ASPH: variants seen among roughly 807,000 people sequenced by gnomAD.
ASPH encodes the protein aspartyl/asparaginyl beta-hydroxylase.
In ASPH, 100 loss-of-function variants were observed where a neutral mutation model predicts 118.4. That is an observed-to-expected ratio of 0.84 (90% CI 0.72 to 1.00). ASPH has a LOEUF of 1.00. Among genes scored for constraint, ASPH ranks in the 50% least tolerant of loss-of-function variants. The probability of loss-of-function intolerance (pLI) is 0.00; values close to 1 mark genes in which losing one functional copy is unlikely to be tolerated. For missense variants in ASPH, 920 were observed against 919.5 expected, an observed-to-expected ratio of 1.00 and a Z score of -0.01; for synonymous variants, 315 against 325.6, an observed-to-expected ratio of 0.97 and a Z score of 0.35.
In ASPH at chr8:61,633,687, T is replaced by C; in HGVS notation, c.930A>G (p.Pro310=). The change falls in exon 13 of 25, where the codon CCA becomes CCG. Residue 310 remains proline, a synonymous_variant. Transcript: ENST00000379454. The stretch of plus-strand genomic sequence containing the variant: ...ACAACATACAAAATGTCATACCTGG[T>C]GGTACTTCCTGCTGTTCTTCCACAG... ...IFPVEEQQEV[P]PETNRKTDDP... is the part of the protein sequence containing the mutation. 1 of 1,598,980 alleles carries C rather than the reference T, an allele frequency of 6.3e-7. No individual in the cohort carries two copies. The highest frequency in any genetic ancestry group is 8.5e-7 in the Non-Finnish European group (1 of 1,172,750).
intron 17 of ASPH, among the ~76,000 whole-genome samples, chr8:61,566,084 G>A (rs1220862415): frequency 1.3e-5 from 2 of 152,196 alleles, no homozygotes; most frequent in African/African-American, 4.8e-5. Context: ...GGTGAATGGT[G>A]TTCTCATGCC....
At chr8:61,556,188 T>A (rs1348562092) in intron 18 of ASPH, among the ~76,000 whole-genome samples, 166 bp from the exon 19 acceptor site, 4 of 152,228 alleles carry the variant, frequency 2.6e-5, no homozygotes, top group African/African-American at 9.6e-5. Flanking sequence ...CATGGCAATA[T>A]CATTAAGCTT....
intron 17 of ASPH, among the ~76,000 whole-genome samples, chr8:61,563,745 C>T (rs1830739493): frequency 6.6e-6 from 1 of 152,212 alleles, no homozygotes; most frequent in Admixed American, 6.5e-5. Flanking sequence ...ATCTGGGCTT[C>T]CTTTTCTATA....
At chr8:61,533,306 C>G (rs536466235) in intron 21 of ASPH, among the ~76,000 whole-genome samples, 11 of 152,172 alleles carry the variant, frequency 7.2e-5, no homozygotes, top group African/African-American at 2.4e-4. Context: ...TTCTGAGAGC[C>G]CTTTCTGGGT....
intron 14 of ASPH, among the ~76,000 whole-genome samples, chr8:61,605,904 C>T (rs1845438450): frequency 2.0e-5 from 3 of 152,160 alleles, no homozygotes; most frequent in Admixed American, 2.0e-4. Context: ...CAAGTCTCTT[C>T]ACTTGTATTT....
rs1830258163 is a variant in ASPH, at chr8:61,562,382, A to AATGTGTCTCTGT, written c.1437+361_1437+362insACAGAGACACAT. On this transcript the variant is annotated intron_variant, in intron 18 of 24. Transcript: ENST00000379454. ...CCAAAAAAAAAAAAAAAAAAAGGAA[A>AATGTGTCTCTGT]GTGTGTCTGTGTGTGTGTGTGTGTG... Among the ~76,000 whole-genome samples the AATGTGTCTCTGT allele has an allele frequency of 9.6e-5, 3 of 31,136 alleles. No individual in the cohort carries two copies. The East Asian group carries it at 1.8e-3, about 19-fold the overall frequency. 20.4% of individuals were successfully genotyped at this position (31,136 alleles called of 152,430 possible). A position where few individuals can be genotyped will look rare whatever the true frequency, so the allele number is the denominator to read the frequency against.
intron 18 of ASPH, among the ~76,000 whole-genome samples, chr8:61,560,618 T>C (rs941771364): frequency 2.0e-5 from 3 of 152,062 alleles, no homozygotes; most frequent in Non-Finnish European, 2.9e-5. Flanking sequence ...AAAAAAAAAC[T>C]CATTCAATTG....
chr8:61,591,808 C>T (rs1416198503), intron 14 of ASPH, among the ~76,000 whole-genome samples: 4 of 151,976 alleles, frequency 2.6e-5, no homozygotes, highest in African/African-American at 9.7e-5. Flanking sequence ...AACCATTTTG[C>T]TATATCTTTG....
At chr8:61,689,547 A>T in intron 1 of ASPH, 1 of 883,886 alleles carries the variant, frequency 1.1e-6, no homozygotes, top group East Asian at 2.7e-5. Flanking sequence ...AGTTCAAAAT[A>T]GAAAATGTAG....
intron 1 of ASPH, chr8:61,689,779 A>G: frequency 6.6e-7 from 1 of 1,509,026 alleles, no homozygotes; most frequent in East Asian, 2.5e-5. Flanking sequence ...TTTTAGGCAC[A>G]CTGCATGCAC....
At chr8:61,690,798 T>C (rs1271339107) in intron 1 of ASPH, among the ~76,000 whole-genome samples, 1 of 152,170 alleles carries the variant, frequency 6.6e-6, no homozygotes, top group Admixed American at 6.5e-5. Context: ...ATATTGCCAA[T>C]ATTTCTTCTG....
chr8:61,646,517 A>G (rs1808057100), intron 6 of ASPH, among the ~76,000 whole-genome samples: 1 of 152,138 alleles, frequency 6.6e-6, no homozygotes, highest in Non-Finnish European at 1.5e-5. Context: ...CAAGTATTTG[A>G]CTCACTATTT....
At chr8:61,676,831 C>T (rs1825652120) in intron 3 of ASPH, among the ~76,000 whole-genome samples, 4 of 152,050 alleles carry the variant, frequency 2.6e-5, no homozygotes, top group Admixed American at 1.3e-4. Context: ...CCACCACCAC[C>T]CCACTTAAGA....
chr8:61,626,796 A>G (rs553225835), intron 13 of ASPH, among the ~76,000 whole-genome samples: 44 of 152,128 alleles, frequency 2.9e-4, no homozygotes, highest in Non-Finnish European at 5.4e-4. Flanking sequence ...ATAAAAGTAT[A>G]TAAGTATTTT....
In ASPH at chr8:61,673,086, CAG is replaced by C. The variant is rs145968021; in HGVS notation, c.322+7880_322+7881del. Among the ~76,000 whole-genome samples the C allele has an allele frequency of 5.5e-3, 839 of 152,304 alleles. 9 individuals are homozygous for C. The highest frequency in any genetic ancestry group is 0.019 in the African/African-American group (787 of 41,578). ...TCTAACTAAATAAAAATAATTCAAA[CAG>C]AAAATAGTCCCTCTTTCATGTCTGG... is the stretch of plus-strand genomic sequence containing the variant. On this transcript the variant is annotated intron_variant, in intron 3 of 24. Transcript: ENST00000379454.
chr8:61,630,062 T>C (rs963466798), intron 13 of ASPH, among the ~76,000 whole-genome samples: 1 of 152,164 alleles, frequency 6.6e-6, no homozygotes, highest in African/African-American at 2.4e-5. Flanking sequence ...TTAATAAACA[T>C]GAAATTCACT....
At chr8:61,520,221 C>T (rs1181084365) in intron 22 of ASPH, among the ~76,000 whole-genome samples, 1 of 152,180 alleles carries the variant, frequency 6.6e-6, no homozygotes, top group Non-Finnish European at 1.5e-5. Flanking sequence ...AATTTCTTTA[C>T]ACTCTATAAA....
chr8:61,665,026 A>C (rs966074926), intron 3 of ASPH: 33 of 1,269,010 alleles, frequency 2.6e-5, no homozygotes, highest in Non-Finnish European at 3.2e-5. Flanking sequence ...AATAAATAGA[A>C]GTTATTACAT....
At chr8:61,570,394 A>G (rs1587361869) in intron 16 of ASPH, among the ~76,000 whole-genome samples, 3 of 152,154 alleles carry the variant, frequency 2.0e-5, no homozygotes, top group Admixed American at 1.3e-4. Context: ...AGAGTGCCCA[A>G]AAAGATCCTG....
Sources: allele counts gnomAD v4.1 joint callset (sites outside exome capture counted in the v4.1 genomes callset), GRCh38; gene constraint gnomAD v4.1.1; transcripts MANE v1.5; gene names NCBI Gene and HGNC (gene_info 2026-07-23, HGNC 2026-07-21).